The following WDR64 variants were observed in gnomAD, a reference collection of about 807,000 sequenced individuals.
WDR64 encodes WD repeat-containing protein 64.
In WDR64, 112 loss-of-function variants were observed where a neutral mutation model predicts 139.3. The ratio of observed to expected loss-of-function variants is 0.80; its 90% CI spans 0.69 to 0.94. The LOEUF (loss-of-function observed/expected upper bound fraction) is 0.94, where lower values mean the gene tolerates loss of function less well. Ranked by LOEUF, WDR64 falls within the 40% of genes least tolerant of loss-of-function variation. The pLI is 0.00. For synonymous variants in WDR64, 444 were observed against 437.7 expected (o/e 1.01, Z -0.18); for missense variants, 1,206 against 1,293.1 (o/e 0.93, Z 1.03).
At chr1:241,675,569 A>C (rs1666519573) in intron 4 of WDR64, among the ~76,000 whole-genome samples, 1 of 152,184 alleles carries the variant, frequency 6.6e-6, no homozygotes, top group South Asian at 2.1e-4. Flanking sequence ...TAAAATCAGA[A>C]ACACTGACAA....
chr1:241,676,225 C>T (rs771593796), intron 4 of WDR64: 1 of 152,160 alleles, frequency 6.6e-6, no homozygotes, highest in Admixed American at 6.5e-5. Flanking sequence ...GGGCTCCAGC[C>T]TCGCACTAAC....
At chr1:241,792,293 G>C (rs1192615864) in intron 25 of WDR64, among the ~76,000 whole-genome samples, 4 of 152,064 alleles carry the variant, frequency 2.6e-5, no homozygotes, top group African/African-American at 9.7e-5. Context: ...TCCCAGCATT[G>C]TGGGAGGCCG....
chr1:241,790,596 GA>G lies in WDR64; in HGVS notation c.2902del (p.Met968Ter). 1.9e-6 allele frequency: 3 copies of G among 1,606,722 alleles called. No individual in the cohort carries two copies. Among genetic ancestry groups the G allele is most frequent in the Admixed American group, 1.7e-5 (1 of 58,050 alleles). ...YPLIFDREKWRKMSSVSLLFK... is the reference protein window; with the variant it reads ...YPLIFDREKWXKMSSVSLLFK... ...TCTTGTATCTTTATATGCAGATGGA[GA>G]AAAATGAGCTCAGTGTCTCTACTTT... On this transcript the variant is annotated frameshift_variant, in exon 25 of 28. Transcript: ENST00000437684. LOFTEE classifies it high-confidence loss of function.
At chr1:241,749,449 G>A (rs1669895595) in intron 13 of WDR64, 98 bp from the exon 14 acceptor site, 1 of 1,373,142 alleles carries the variant, frequency 7.3e-7, no homozygotes, top group South Asian at 1.4e-5. Flanking sequence ...ATAAATTGTT[G>A]GCAGAAAGCT....
chr1:241,697,387 C>G (rs1019841957), intron 8 of WDR64, among the ~76,000 whole-genome samples: 1 of 152,122 alleles, frequency 6.6e-6, no homozygotes, highest in African/African-American at 2.4e-5. Context: ...CATTGGTGAC[C>G]TTATGCTCAA....
intron 15 of WDR64, among the ~76,000 whole-genome samples, chr1:241,758,829 C>A (rs1427701706): frequency 6.6e-6 from 1 of 152,036 alleles, no homozygotes; most frequent in Non-Finnish European, 1.5e-5. Flanking sequence ...ATATATTCTA[C>A]TTCTTTTTAG....
rs749887126 is a variant in WDR64, at chr1:241,775,203, A to C, written c.2529A>C (p.Gly843=). The C allele has an allele frequency of 5.8e-6, 9 of 1,549,466 alleles. No homozygotes were observed. Among genetic ancestry groups the C allele is most frequent in the African/African-American group, 1.4e-5 (1 of 73,026 alleles). ...CATGTACGAGGATACTACTGGCTGG[A>C]AATGTGGGTGAGTCATTACTCTTAG... ...TDSCTRILLA[G]NVEGHVILCN... Residue 843 remains glycine, a synonymous_variant, in exon 21 of 28, where the codon GGA becomes GGC. Coordinates refer to ENST00000437684, the MANE Select transcript of WDR64 (RefSeq NM_001367482.1).
At chr1:241,784,954 A>AG (rs1658983880) in intron 23 of WDR64, among the ~76,000 whole-genome samples, 5 of 9,386 alleles carry the variant, frequency 5.3e-4, no homozygotes, top group Non-Finnish European at 1.5e-3. Context: ...ACTCTGTCTG[A>AG]AAAAAAAAAA....
At chr1:241,654,253 T>C (rs1665488376) in intron 1 of WDR64, among the ~76,000 whole-genome samples, 1 of 152,202 alleles carries the variant, frequency 6.6e-6, no homozygotes, top group Non-Finnish European at 1.5e-5. Flanking sequence ...TACTCAAGCA[T>C]CATGACCTTG....
intron 13 of WDR64, among the ~76,000 whole-genome samples, chr1:241,746,508 T>C (rs921326859): frequency 2.7e-5 from 4 of 150,054 alleles, no homozygotes; most frequent in East Asian, 1.9e-4. Context: ...CGGAATACCA[T>C]AGAGTGGGTG....
intron 13 of WDR64, among the ~76,000 whole-genome samples, chr1:241,748,204 A>G (rs1248364296): frequency 1.3e-5 from 2 of 152,208 alleles, no homozygotes; most frequent in Admixed American, 6.5e-5. Flanking sequence ...AGGGAGAAAA[A>G]GCTGAGCAAA....
intron 9 of WDR64, among the ~76,000 whole-genome samples, chr1:241,717,447 G>A (rs1668445938): frequency 6.6e-6 from 1 of 151,978 alleles, no homozygotes; most frequent in Non-Finnish European, 1.5e-5. Flanking sequence ...TGGTTTACTA[G>A]ATGCTATCTC....
Position 241,771,619 on chromosome 1 carries a change from C to T in WDR64, c.2254-42C>T, listed in dbSNP as rs764034717. 59 of 1,425,126 alleles carry T rather than the reference C, an allele frequency of 4.1e-5. No homozygotes were observed. The South Asian group carries it at 9.2e-4, about 22-fold the overall frequency. The allele number at this position is 1,425,126 out of a possible 1,614,324, so 88.3% of individuals were successfully genotyped here. On this transcript the variant is annotated intron_variant, in intron 18 of 27. Coordinates refer to ENST00000437684, the MANE Select transcript of WDR64 (RefSeq NM_001367482.1). ...TCACCCAGTATATCTCATTTTCTTACAATGTCATGGAAGTCTTTTCTCTTT... is the reference window on the plus strand; with the variant it reads ...TCACCCAGTATATCTCATTTTCTTATAATGTCATGGAAGTCTTTTCTCTTT...
At chr1:241,728,824 T>TTTTTC in intron 10 of WDR64, among the ~76,000 whole-genome samples, 1 of 41,658 alleles carries the variant, frequency 2.4e-5, no homozygotes, top group East Asian at 5.2e-4. Flanking sequence ...TCTCTTCTTC[T>TTTTTC]TTTTTTTTTT....
chr1:241,683,567 A>G lies in WDR64; in HGVS notation c.705A>G (p.Arg235=). The G allele has an allele frequency of 6.4e-7, 1 of 1,551,708 alleles. No homozygotes were observed. The highest frequency in any genetic ancestry group is 8.7e-7 in the Non-Finnish European group (1 of 1,146,982). The change falls in exon 7 of 28, where the codon CGA becomes CGG. Residue 235 remains arginine (R), a synonymous_variant. Transcript: ENST00000437684. ...TGCCTTTGCCTGACCATCTCTGCCG[A>G]GATGACATCCTCTTGGGGGATGATG... ...CVVPLPDHLC[R]DDILLGDDGG...
chr1:241,675,134 TC>T (rs1666475925), intron 4 of WDR64, among the ~76,000 whole-genome samples: 13 of 2,240 alleles, frequency 5.8e-3, no homozygotes, highest in Admixed American at 0.018. Context: ...CTTCCCTCCT[TC>T]CCTCCCTTCT....
At chr1:241,737,374 T>A (rs1669369997) in intron 10 of WDR64, among the ~76,000 whole-genome samples, 1 of 152,224 alleles carries the variant, frequency 6.6e-6, no homozygotes, top group South Asian at 2.1e-4. Context: ...TAACTTATAA[T>A]GAACTCAATT....
chr1:241,744,295 G>A, intron 12 of WDR64, 98 bp from the exon 13 acceptor site: 1 of 1,456,338 alleles, frequency 6.9e-7, no homozygotes, highest in African/African-American at 1.4e-5. Context: ...GATGTACAGA[G>A]TTCCATTTTT....
intron 8 of WDR64, among the ~76,000 whole-genome samples, chr1:241,697,878 G>A (rs74150360): frequency 0.13 from 20,010 of 152,040 alleles, 1,537 homozygotes; most frequent in South Asian, 0.22. Context: ...TGGTTTCTGG[G>A]AAGCCAGAGT....
Sources: allele counts gnomAD v4.1 joint callset (sites outside exome capture counted in the v4.1 genomes callset), GRCh38; gene constraint gnomAD v4.1.1; transcripts MANE v1.5; gene names NCBI Gene and HGNC (gene_info 2026-07-23, HGNC 2026-07-21).